The following CPXM2 variants were observed in gnomAD, a reference collection of about 807,000 sequenced individuals.
CPXM2 encodes carboxypeptidase X, M14 family member 2.
A neutral mutation model predicts 86.1 loss-of-function variants in CPXM2; 66 were observed. The observed-to-expected ratio is 0.77, with a 90% CI of 0.63 to 0.94. CPXM2 has a LOEUF of 0.94. CPXM2 is among the 40% of genes least tolerant of loss of function. The pLI, the probability that CPXM2 is intolerant of heterozygous loss-of-function variation, is 0.00. For missense variants in CPXM2, 948 were observed against 1,026.3 expected (o/e 0.92, Z 1.04); for synonymous variants, 388 against 400.2 (o/e 0.97, Z 0.36).
chr10:123,921,185 G>A (rs566172821), intron 2 of CPXM2, among the ~76,000 whole-genome samples: 3 of 152,270 alleles, frequency 2.0e-5, no homozygotes, highest in Non-Finnish European at 4.4e-5. Context: ...AAAGAGAGGA[G>A]GTGTAAGAGA....
chr10:123,819,900 TC>T (rs1431035683), intron 4 of CPXM2, among the ~76,000 whole-genome samples: 2 of 152,136 alleles, frequency 1.3e-5, no homozygotes, highest in Non-Finnish European at 2.9e-5. Flanking sequence ...AACATCTGAG[TC>T]AGTGGGCTGG....
chr10:123,770,164 C>T lies in CPXM2; in HGVS notation c.1102+752G>A, dbSNP rs553315935. On this transcript the variant is annotated intron_variant, in intron 8 of 13. Coordinates refer to ENST00000241305, the MANE Select transcript of CPXM2 (RefSeq NM_198148.3). ...TGGCACATGCCTGTAATCCCAGCTA[C>T]TCAGGAGGCTGAGGCAGGAGAATTG... Among the ~76,000 whole-genome samples the T allele has an allele frequency of 3.9e-5, 6 of 152,280 alleles. No individual in the cohort carries two copies. In the South Asian group the frequency reaches 1.2e-3, roughly 32 times the overall value.
intron 1 of CPXM2, among the ~76,000 whole-genome samples, chr10:123,888,273 T>C (rs1047395215): frequency 1.3e-5 from 2 of 152,262 alleles, no homozygotes; most frequent in African/African-American, 4.8e-5. Flanking sequence ...AAGAGCTATC[T>C]GGGAAATATT....
chr10:123,904,450 G>A (rs947744831), intron 2 of CPXM2, among the ~76,000 whole-genome samples: 2 of 152,292 alleles, frequency 1.3e-5, no homozygotes, highest in South Asian at 2.1e-4. Context: ...TATAACAATC[G>A]TTCCCACCTC....
intron 2 of CPXM2, among the ~76,000 whole-genome samples, chr10:123,863,306 C>T (rs954631612): frequency 6.6e-6 from 1 of 152,176 alleles, no homozygotes; most frequent in African/African-American, 2.4e-5. Context: ...GCTGTTTGCC[C>T]CCACGCCCAC....
intron 4 of CPXM2, among the ~76,000 whole-genome samples, chr10:123,800,841 T>C (rs1847441881): frequency 6.6e-6 from 1 of 152,224 alleles, no homozygotes; most frequent in Non-Finnish European, 1.5e-5. Flanking sequence ...ATTGTTTCTA[T>C]GGCTCAGAAC....
At chr10:123,882,772 G>A (rs34667222) in intron 1 of CPXM2, among the ~76,000 whole-genome samples, 60,349 of 147,132 alleles carry the variant, frequency 0.41, 13,412 homozygotes, top group Middle Eastern at 0.54. Context: ...CAATGACATG[G>A]CCTAGGCAAC....
intron 3 of CPXM2, among the ~76,000 whole-genome samples, chr10:123,853,396 C>A (rs529370674): frequency 6.6e-6 from 1 of 152,318 alleles, no homozygotes; most frequent in African/African-American, 2.4e-5. Context: ...TTCAAGGTGG[C>A]AAGAATCCTT....
At chr10:123,880,586 T>A (rs953108576) in intron 1 of CPXM2, among the ~76,000 whole-genome samples, 1 of 152,010 alleles carries the variant, frequency 6.6e-6, no homozygotes, top group Non-Finnish European at 1.5e-5. Flanking sequence ...TCCCAGCACT[T>A]TGGGAGGCTA....
intron 2 of CPXM2, among the ~76,000 whole-genome samples, chr10:123,870,676 T>C (rs1399340435): frequency 6.6e-6 from 1 of 152,168 alleles, no homozygotes; most frequent in Non-Finnish European, 1.5e-5. Context: ...CAGCCTTACC[T>C]AGTCGTCCTT....
intron 6 of CPXM2, among the ~76,000 whole-genome samples, chr10:123,782,177 A>T (rs1356209733): frequency 6.6e-6 from 1 of 152,204 alleles, no homozygotes; most frequent in Non-Finnish European, 1.5e-5. Context: ...GGCTGACCAC[A>T]CCTCAGGCAA....
At chr10:123,896,774 G>A (rs925946550), upstream of CPXM2, among the ~76,000 whole-genome samples, 18 of 152,144 alleles carry the variant, frequency 1.2e-4, no homozygotes, top group African/African-American at 3.4e-4. Flanking sequence ...AGGATACACC[G>A]GAGCCTGCTG....
chr10:123,849,515 A>G (rs1848559837), intron 3 of CPXM2, among the ~76,000 whole-genome samples: 1 of 141,746 alleles, frequency 7.1e-6, no homozygotes, highest in Non-Finnish European at 1.5e-5. Flanking sequence ...ATCTCAGCTC[A>G]CTGCAACCTC....
chr10:123,850,533 C>T (rs796341608), intron 3 of CPXM2, among the ~76,000 whole-genome samples: 2 of 152,204 alleles, frequency 1.3e-5, no homozygotes, highest in South Asian at 2.1e-4. Context: ...TCCACACTGT[C>T]TACTTTAGCC....
intron 6 of CPXM2, among the ~76,000 whole-genome samples, chr10:123,790,023 C>T (rs1339206401): frequency 2.6e-5 from 4 of 152,150 alleles, no homozygotes; most frequent in East Asian, 1.9e-4. Flanking sequence ...GAGGCTGAGA[C>T]AGGAGAATGG....
At chr10:123,811,883 A>G (rs1006169573) in intron 4 of CPXM2, among the ~76,000 whole-genome samples, 2 of 152,246 alleles carry the variant, frequency 1.3e-5, no homozygotes, top group African/African-American at 4.8e-5. Flanking sequence ...TAAGGACATC[A>G]GTGAAAGATA....
chr10:123,876,483 C>G (rs916758231), intron 2 of CPXM2, among the ~76,000 whole-genome samples: 1 of 152,178 alleles, frequency 6.6e-6, no homozygotes, highest in Non-Finnish European at 1.5e-5. Context: ...TCAGAGGAGG[C>G]TTCCTGGAAG....
intron 2 of CPXM2, among the ~76,000 whole-genome samples, chr10:123,867,081 T>C (rs1052767879): frequency 1.3e-5 from 2 of 152,236 alleles, no homozygotes; most frequent in African/African-American, 4.8e-5. Flanking sequence ...CTGAGCCAGC[T>C]GGGAGTTACC....
At chr10:123,853,086 T>C (rs934261150) in intron 3 of CPXM2, among the ~76,000 whole-genome samples, 5 of 152,134 alleles carry the variant, frequency 3.3e-5, no homozygotes, top group African/African-American at 1.2e-4. Flanking sequence ...CTGTGTTTGA[T>C]AATGAGTGAG....
Sources: gnomAD v4.1 joint callset for allele counts (sites outside exome capture counted in the v4.1 genomes callset) on GRCh38, gnomAD v4.1.1 for gene constraint, MANE v1.5 for transcripts, NCBI Gene and HGNC (gene_info 2026-07-23, HGNC 2026-07-21) for gene names.